SLC35F4: variants seen among roughly 807,000 people sequenced by gnomAD.
SLC35F4 encodes solute carrier family 35 member F4.
SLC35F4 carries 24 observed loss-of-function variants against 44.2 expected under a neutral mutation model. That is an observed-to-expected ratio of 0.54 (90% CI 0.39 to 0.76). The LOEUF (loss-of-function observed/expected upper bound fraction) is 0.76, where lower values mean the gene tolerates loss of function less well. Ranked by LOEUF, SLC35F4 falls within the 30% of genes least tolerant of loss-of-function variation. The pLI is 0.00. For missense variants in SLC35F4, 562 were observed against 586.1 expected, an observed-to-expected ratio of 0.96 and a Z score of 0.42; for synonymous variants, 238 against 223.6, an observed-to-expected ratio of 1.06 and a Z score of -0.57.
At chr14:57,827,348 C>T (rs936014056) in intron 1 of SLC35F4, among the ~76,000 whole-genome samples, 18 of 151,882 alleles carry the variant, frequency 1.2e-4, no homozygotes, top group Non-Finnish European at 2.1e-4. Context: ...GGACCTTTCA[C>T]GGGAGCTGGG....
intron 1 of SLC35F4, among the ~76,000 whole-genome samples, chr14:57,620,294 G>A (rs998914981): frequency 1.3e-5 from 2 of 152,152 alleles, no homozygotes; most frequent in Non-Finnish European, 2.9e-5. Flanking sequence ...CAGAGAGAAA[G>A]GTCGGGTTAC....
At chr14:57,656,406 C>G (rs2073975491) in intron 1 of SLC35F4, among the ~76,000 whole-genome samples, 1 of 145,462 alleles carries the variant, frequency 6.9e-6, no homozygotes. Context: ...CACACACACA[C>G]AGATACACAT....
intron 1 of SLC35F4, among the ~76,000 whole-genome samples, chr14:57,900,127 G>A (rs936196511): frequency 1.3e-5 from 2 of 152,078 alleles, no homozygotes; most frequent in Admixed American, 1.3e-4. Flanking sequence ...AGCACTGATT[G>A]GTGCGTTTTA....
intron 1 of SLC35F4, among the ~76,000 whole-genome samples, chr14:57,824,385 G>C (rs1043371052): frequency 6.6e-6 from 1 of 152,200 alleles, no homozygotes; most frequent in African/African-American, 2.4e-5. Flanking sequence ...AAGAGATAGA[G>C]AGTAGATGGT....
intron 1 of SLC35F4, chr14:57,630,914 T>C (rs2140128460): frequency 4.8e-6 from 4 of 836,882 alleles, no homozygotes; most frequent in Non-Finnish European, 5.8e-6. Context: ...GTGGTGTCTC[T>C]GTATATTTTT....
At chr14:57,628,565 G>A (rs2072595199) in intron 1 of SLC35F4, among the ~76,000 whole-genome samples, 1 of 147,940 alleles carries the variant, frequency 6.8e-6, no homozygotes, top group African/African-American at 2.5e-5. Context: ...TTCTGTTCTT[G>A]TGTTAGTTTG....
Position 57,566,463 on chromosome 14 carries a change from T to C in SLC35F4, c.1216+12A>G. On this transcript the variant is annotated intron_variant, in intron 7 of 7. Transcript: ENST00000556826. ...GTGGCCAGGATCTGCACATGTCACA[T>C]GGTGCCTGTACCTGCATTTCCAGGA... is the stretch of plus-strand genomic sequence containing the variant. The C allele has an allele frequency of 6.3e-7, 1 of 1,579,932 alleles. No homozygotes were observed. The highest frequency in any genetic ancestry group is 1.2e-5 in the South Asian group (1 of 85,718).
intron 1 of SLC35F4, among the ~76,000 whole-genome samples, chr14:57,621,773 T>C (rs1412251639): frequency 3.3e-5 from 5 of 150,200 alleles, no homozygotes; most frequent in South Asian, 2.1e-4. Context: ...ACTTCATGTC[T>C]AAAACACCAA....
At chr14:57,794,987 A>G (rs1426816338) in intron 1 of SLC35F4, among the ~76,000 whole-genome samples, 1 of 152,144 alleles carries the variant, frequency 6.6e-6, no homozygotes, top group East Asian at 1.9e-4. Context: ...TATTACTTAT[A>G]TAGCTGTGAA....
At chr14:57,902,819 C>T (rs1235643732) in intron 1 of SLC35F4, among the ~76,000 whole-genome samples, 1 of 152,128 alleles carries the variant, frequency 6.6e-6, no homozygotes, top group Non-Finnish European at 1.5e-5. Flanking sequence ...ACATTTTGTG[C>T]CATCTGCATG....
chr14:57,841,954 G>C (rs1016262791), intron 1 of SLC35F4, among the ~76,000 whole-genome samples: 2 of 152,190 alleles, frequency 1.3e-5, no homozygotes, highest in African/African-American at 2.4e-5. Flanking sequence ...AGTTATCACT[G>C]TGTCACATCA....
intron 1 of SLC35F4, among the ~76,000 whole-genome samples, chr14:57,878,292 AC>A: frequency 6.6e-6 from 1 of 152,062 alleles, no homozygotes; most frequent in East Asian, 1.9e-4. Context: ...GGATTACCAC[AC>A]AACTTTCTAT....
intron 1 of SLC35F4, among the ~76,000 whole-genome samples, chr14:57,621,917 A>C (rs1290274648): frequency 6.6e-6 from 1 of 150,978 alleles, no homozygotes; most frequent in Non-Finnish European, 1.5e-5. Flanking sequence ...CAACCTACTC[A>C]TCTGACAAAG....
intron 1 of SLC35F4, among the ~76,000 whole-genome samples, chr14:57,612,345 T>C (rs1477705644): frequency 6.6e-6 from 1 of 152,090 alleles, no homozygotes; most frequent in African/African-American, 2.4e-5. Context: ...AAGTCTCAAG[T>C]CTCATGCCTG....
At chr14:57,858,230 C>T (rs57784564) in intron 1 of SLC35F4, among the ~76,000 whole-genome samples, 6,244 of 151,930 alleles carry the variant, frequency 0.041, 422 homozygotes, top group African/African-American at 0.12. Context: ...CACATGCACA[C>T]GTATGTTTAT....
At chr14:57,670,514 T>A (rs140422397) in intron 1 of SLC35F4, among the ~76,000 whole-genome samples, 3,910 of 152,106 alleles carry the variant, frequency 0.026, 187 homozygotes, top group African/African-American at 0.088. Flanking sequence ...TGTGTCCCAC[T>A]GATTCTGGTA....
chr14:57,673,140 C>T (rs2074576077), intron 1 of SLC35F4, among the ~76,000 whole-genome samples: 1 of 152,034 alleles, frequency 6.6e-6, no homozygotes, highest in African/African-American at 2.4e-5. Context: ...AATCATATTT[C>T]AATAGGCCAC....
chr14:57,923,328 A>C (rs1425119498), intron 1 of SLC35F4, among the ~76,000 whole-genome samples: 1 of 152,180 alleles, frequency 6.6e-6, no homozygotes, highest in Non-Finnish European at 1.5e-5. Flanking sequence ...ATTCATTCAC[A>C]TGTGACCCTG....
intron 1 of SLC35F4, among the ~76,000 whole-genome samples, chr14:57,839,753 T>C (rs977567400): frequency 1.3e-5 from 2 of 151,366 alleles, no homozygotes; most frequent in African/African-American, 4.8e-5. Context: ...CCCTGAACTT[T>C]AAAAAAAAAG....
Sources: gnomAD v4.1 joint callset for allele counts (sites outside exome capture counted in the v4.1 genomes callset) on GRCh38, gnomAD v4.1.1 for gene constraint, MANE v1.5 for transcripts, NCBI Gene and HGNC (gene_info 2026-07-23, HGNC 2026-07-21) for gene names.